COL4A2: variants seen among roughly 807,000 people sequenced by gnomAD.
COL4A2 encodes collagen alpha-2(IV) chain.
In COL4A2, 99 loss-of-function variants were observed where a neutral mutation model predicts 200.2. The ratio of observed to expected loss-of-function variants is 0.49; its 90% CI spans 0.42 to 0.58. The LOEUF (loss-of-function observed/expected upper bound fraction) is 0.58. COL4A2 is among the 20% of genes least tolerant of loss of function. COL4A2 has a pLI of 0.00. For missense variants in COL4A2, 1,950 were observed against 2,314.1 expected, an observed-to-expected ratio of 0.84 and a Z score of 3.23; for synonymous variants, 897 against 900.6, an observed-to-expected ratio of 1.00 and a Z score of 0.07.
chr13:110,439,459 C>T (rs554748198), intron 15 of COL4A2, among the ~76,000 whole-genome samples: 110 of 152,306 alleles, frequency 7.2e-4, no homozygotes, highest in African/African-American at 2.6e-3. Context: ...GTGTCTCCCT[C>T]AGGAAATGAG....
At chr13:110,446,740 C>T (rs375883846) in intron 17 of COL4A2, 58 bp from the exon 18 acceptor site, 3 of 1,456,406 alleles carry the variant, frequency 2.1e-6, no homozygotes, top group African/African-American at 1.4e-5. Flanking sequence ...AATATGTGTA[C>T]TGTCAAAAAC....
At chr13:110,412,077 C>T (rs1468397379) in intron 4 of COL4A2, among the ~76,000 whole-genome samples, 1 of 152,240 alleles carries the variant, frequency 6.6e-6, no homozygotes, top group Non-Finnish European at 1.5e-5. Context: ...TCTTGTGGAC[C>T]CTCTGCAATG....
At chr13:110,320,859 T>C (rs993215173) in intron 3 of COL4A2, among the ~76,000 whole-genome samples, 2 of 152,202 alleles carry the variant, frequency 1.3e-5, no homozygotes, top group Non-Finnish European at 2.9e-5. Flanking sequence ...TCAGGCAACA[T>C]TTTTGCCTTC....
intron 21 of COL4A2, chr13:110,457,668 A>C: frequency 1.5e-6 from 1 of 658,858 alleles, no homozygotes; most frequent in Non-Finnish European, 2.9e-6. Context: ...TCCATCTGCC[A>C]TCCTCGTCAC....
At chr13:110,457,919 G>A (rs571385662) in intron 21 of COL4A2, among the ~76,000 whole-genome samples, 1 of 152,240 alleles carries the variant, frequency 6.6e-6, no homozygotes, top group East Asian at 1.9e-4. Context: ...TGATGAGGAG[G>A]CGAACTTGGA....
chr13:110,509,264 T>TACACACAC (rs1237663441), intron 47 of COL4A2, among the ~76,000 whole-genome samples: 6 of 119,138 alleles, frequency 5.0e-5, no homozygotes, highest in Non-Finnish European at 9.8e-5. Flanking sequence ...TATATATATA[T>TACACACAC]ATATATACAC....
chr13:110,389,676 A>C (rs1353801726), intron 4 of COL4A2, among the ~76,000 whole-genome samples: 2 of 152,222 alleles, frequency 1.3e-5, no homozygotes, highest in African/African-American at 2.4e-5. Context: ...AACACCTCCC[A>C]GCATGATTCT....
At chr13:110,441,994 G>A (rs945970802) in intron 16 of COL4A2, among the ~76,000 whole-genome samples, 4 of 144,050 alleles carry the variant, frequency 2.8e-5, no homozygotes, top group Non-Finnish European at 4.5e-5. Flanking sequence ...GCTGAGGCAC[G>A]AGAATTGCTT....
intron 3 of COL4A2, among the ~76,000 whole-genome samples, chr13:110,345,741 G>T (rs1876670912): frequency 1.3e-5 from 2 of 152,168 alleles, no homozygotes. Flanking sequence ...AGGACAGGGG[G>T]CAAGGGAAGG....
intron 4 of COL4A2, among the ~76,000 whole-genome samples, chr13:110,418,271 A>C (rs931261003): frequency 6.6e-6 from 1 of 152,218 alleles, no homozygotes; most frequent in Non-Finnish European, 1.5e-5. Flanking sequence ...TTCCGGAAGA[A>C]GTTGTTTATC....
chr13:110,449,310 C>A (rs1161512165), intron 18 of COL4A2, among the ~76,000 whole-genome samples: 1 of 142,698 alleles, frequency 7.0e-6, no homozygotes, highest in Non-Finnish European at 1.6e-5. Context: ...GTTATGCATC[C>A]AGCAGACAGG....
intron 3 of COL4A2, among the ~76,000 whole-genome samples, chr13:110,356,005 G>A (rs1877247829): frequency 6.6e-6 from 1 of 152,058 alleles, no homozygotes; most frequent in Admixed American, 6.5e-5. Context: ...ATCAGAAAGG[G>A]GAGAAAAGAG....
chr13:110,336,461 G>A (rs1328272142), intron 3 of COL4A2, among the ~76,000 whole-genome samples: 1 of 152,124 alleles, frequency 6.6e-6, no homozygotes, highest in East Asian at 1.9e-4. Flanking sequence ...AACAATAGCG[G>A]CCGCTGGAGG....
chr13:110,502,883 G>A lies in COL4A2; in HGVS notation c.3878-238G>A. 1.1e-5 allele frequency: 5 copies of A among 459,046 alleles called. No homozygotes were observed. In the South Asian group the frequency reaches 1.4e-4, roughly 13 times the overall value. The allele number at this position is 459,046 out of a possible 1,614,324, so 28.4% of individuals were successfully genotyped here. A position where few individuals can be genotyped will look rare whatever the true frequency, so the allele number is the denominator to read the frequency against. ...TTTAGGATGAGAAAGTTCTGGAGCT[G>A]GTCGGCGGTGAAGGTGAATATATTG... is the stretch of plus-strand genomic sequence containing the variant. On this transcript the variant is annotated intron_variant, in intron 41 of 47. Transcript: ENST00000360467.
intron 28 of COL4A2, 124 bp from the exon 29 acceptor site, chr13:110,472,805 C>A (rs1239691358): frequency 5.9e-5 from 46 of 775,884 alleles, no homozygotes; most frequent in Non-Finnish European, 1.1e-5. Context: ...AGGGCTCGAG[C>A]TGAGGAATGC....
chr13:110,509,270 T>TATATACACACACACAC (rs1435137108), intron 47 of COL4A2, among the ~76,000 whole-genome samples: 4 of 115,600 alleles, frequency 3.5e-5, no homozygotes, highest in African/African-American at 1.4e-4. Context: ...TATATATATA[T>TATATACACACACACAC]ACACACACAC....
intron 4 of COL4A2, among the ~76,000 whole-genome samples, chr13:110,370,349 C>T (rs548884986): frequency 1.8e-4 from 27 of 152,232 alleles, no homozygotes; most frequent in African/African-American, 6.0e-4. Flanking sequence ...ATGCAACCTC[C>T]GTCTCCCGGG....
chr13:110,394,448 A>C (rs1470429870), intron 4 of COL4A2, among the ~76,000 whole-genome samples: 1 of 152,216 alleles, frequency 6.6e-6, no homozygotes, highest in Non-Finnish European at 1.5e-5. Context: ...CTTCTGAGTC[A>C]CAGGTCTTCT....
At chr13:110,377,377 G>C (rs1335332745) in intron 4 of COL4A2, among the ~76,000 whole-genome samples, 1 of 152,102 alleles carries the variant, frequency 6.6e-6, no homozygotes, top group African/African-American at 2.4e-5. Flanking sequence ...CCTCACTCCT[G>C]CCTGGTCACT....
Sources: allele counts gnomAD v4.1 joint callset (sites outside exome capture counted in the v4.1 genomes callset), GRCh38; gene constraint gnomAD v4.1.1; transcripts MANE v1.5; gene names NCBI Gene and HGNC (gene_info 2026-07-23, HGNC 2026-07-21).